Variants in JAKMIP1 observed in about 807,000 individuals in gnomAD.
JAKMIP1 encodes the protein janus kinase and microtubule-interacting protein 1.
JAKMIP1 carries 33 observed loss-of-function variants against 113.0 expected under a neutral mutation model. That is an observed-to-expected ratio of 0.29 (90% CI 0.22 to 0.39). The LOEUF is 0.39. Ranked by LOEUF, JAKMIP1 falls within the 10% of genes least tolerant of loss-of-function variation. The probability of loss-of-function intolerance (pLI) is 1.00; values close to 1 mark genes in which losing one functional copy is unlikely to be tolerated. For synonymous variants in JAKMIP1, 480 were observed against 459.9 expected, an observed-to-expected ratio of 1.04 and a Z score of -0.56; for missense variants, 813 against 1,080.5, an observed-to-expected ratio of 0.75 and a Z score of 3.47.
rs1294485966 is a variant in JAKMIP1, at chr4:6,139,304, T to C, written c.-147-26307A>G. On this transcript the variant is annotated intron_variant, in intron 1 of 20. Transcript: ENST00000409021. This position sits in a 1 kb window ranked among gnomAD's most constrained non-coding sequence, Gnocchi z 5.2. ...CAAGGACATTGAAAAGTATTCTTGA[T>C]TTATGTGAAAGGGTTTAAATTGTGT... 6.6e-6 allele frequency among the ~76,000 whole-genome samples: 1 copy of C among 152,110 alleles called. No individual in the cohort carries two copies. Among genetic ancestry groups the C allele is most frequent in the Non-Finnish European group, 1.5e-5 (1 of 68,040 alleles).
At position 6,150,362 on chromosome 4, in the gene JAKMIP1, G is replaced by C. The variant is rs763415145; in HGVS notation, c.-147-37365C>G. On this transcript the variant is annotated intron_variant, in intron 1 of 20. Coordinates refer to ENST00000409021, the MANE Select transcript of JAKMIP1 (RefSeq NM_001099433.2). This position sits in a 1 kb window ranked among gnomAD's most constrained non-coding sequence, Gnocchi z 4.8. ...AAGCAGACTGCGGAGACCAGGGGCT[G>C]AGGTTGGCCCCCGGTGTCAGCTTCT... 13 of 152,226 alleles carry C rather than the reference G, an allele frequency of 8.5e-5. No individual in the cohort carries two copies. The highest frequency in any genetic ancestry group is 1.5e-4 in the Non-Finnish European group (10 of 68,070). 9.4% of individuals were successfully genotyped at this position (152,226 alleles called of 1,614,324 possible).
chr4:6,071,207 G>A (rs768628503), intron 8 of JAKMIP1, among the ~76,000 whole-genome samples: 10 of 152,166 alleles, frequency 6.6e-5, no homozygotes, highest in Non-Finnish European at 1.3e-4. Flanking sequence ...GTTTCCTAAT[G>A]AGGCACCACC....
rs1190293797 is a variant in JAKMIP1, at chr4:6,141,825, G to T, written c.-147-28828C>A. Among the ~76,000 whole-genome samples the T allele has an allele frequency of 6.6e-6, 1 of 152,180 alleles. No individual in the cohort carries two copies. The highest frequency in any genetic ancestry group is 1.5e-5 in the Non-Finnish European group (1 of 68,044). On this transcript the variant is annotated intron_variant, in intron 1 of 20. Transcript: ENST00000409021. This position sits in a 1 kb window ranked among gnomAD's most constrained non-coding sequence, Gnocchi z 9.4. ...ACTGAGCAGCCCGGTGGGAGCGGAA[G>T]TTGATGTGGAAACCACTCATTTCTG...
rs1560309407 is a variant in JAKMIP1, at chr4:6,167,713, T to TC, written c.-148+32539_-148+32540insG. Among the ~76,000 whole-genome samples the TC allele has an allele frequency of 1.3e-5, 2 of 152,208 alleles. No individual in the cohort carries two copies. The highest frequency in any genetic ancestry group is 2.9e-5 in the Non-Finnish European group (2 of 68,036). On this transcript the variant is annotated intron_variant, in intron 1 of 20. Coordinates refer to ENST00000409021, the MANE Select transcript of JAKMIP1 (RefSeq NM_001099433.2). This position sits in a 1 kb window ranked among gnomAD's most constrained non-coding sequence, Gnocchi z 5.3. ...TCAGCTCCCTCCACCCCACCATGAA[T>TC]GTACTGCTATCCTCACTTTACAGAT... is the stretch of plus-strand genomic sequence containing the variant.
Position 6,051,747 on chromosome 4 carries a change from G to A in JAKMIP1, c.1807-1068C>T, listed in dbSNP as rs1189481927. ...ATACATAAATGACAAGGTTTTAAAA[G>A]GTCGGGAAAACCTAATTACTTACAG... is the stretch of plus-strand genomic sequence containing the variant. On this transcript the variant is annotated intron_variant, in intron 13 of 20. Transcript: ENST00000409021. The surrounding 1 kb of genome is among the most constrained non-coding windows in gnomAD (Gnocchi z 5.0). 2.6e-5 allele frequency among the ~76,000 whole-genome samples: 4 copies of A among 152,214 alleles called. No individual in the cohort carries two copies. Among genetic ancestry groups the A allele is most frequent in the Admixed American group, 2.0e-4 (3 of 15,284 alleles).
intron 8 of JAKMIP1, among the ~76,000 whole-genome samples, chr4:6,068,060 G>A (rs1718424173): frequency 6.6e-6 from 1 of 152,190 alleles, no homozygotes; most frequent in Non-Finnish European, 1.5e-5. Flanking sequence ...ACCCTCCTGG[G>A]GGCAACGACT....
rs1296674255 is a variant in JAKMIP1 at position 6,108,830 on chromosome 4, G to A, written c.130-2863C>T. ...GGCTGAAGGGAGCCATGCGGCAGTG[G>A]ATGCGTCTTGGGACATCTGTAAGAA... On this transcript the variant is annotated intron_variant, in intron 2 of 20. Coordinates refer to ENST00000409021, the MANE Select transcript of JAKMIP1 (RefSeq NM_001099433.2). This position sits in a 1 kb window ranked among gnomAD's most constrained non-coding sequence, Gnocchi z 5.6. 1.3e-5 allele frequency among the ~76,000 whole-genome samples: 2 copies of A among 152,242 alleles called. No homozygotes were observed. Among genetic ancestry groups the A allele is most frequent in the African/African-American group, 2.4e-5 (1 of 41,470 alleles).
chr4:6,078,632 C>A (rs1237780348), intron 8 of JAKMIP1, among the ~76,000 whole-genome samples: 1 of 152,116 alleles, frequency 6.6e-6, no homozygotes, highest in East Asian at 1.9e-4. Context: ...CCCTGAATGT[C>A]CCTTAAATCC....
Position 6,143,707 on chromosome 4 carries a change from GA to G in JAKMIP1, c.-147-30711del, listed in dbSNP as rs1385480835. ...GGCCTCAACAGTAACCTACTGAACA[GA>G]ACGTGGGGGTGGACTCAGCAGTGTG... On this transcript the variant is annotated intron_variant, in intron 1 of 20. Coordinates refer to ENST00000409021, the MANE Select transcript of JAKMIP1 (RefSeq NM_001099433.2). This position sits in a 1 kb window ranked among gnomAD's most constrained non-coding sequence, Gnocchi z 4.9. Among the ~76,000 whole-genome samples the G allele has an allele frequency of 6.6e-6, 1 of 152,214 alleles. No individual in the cohort carries two copies. Among genetic ancestry groups the G allele is most frequent in the Non-Finnish European group, 1.5e-5 (1 of 68,030 alleles).
rs1444252700 is a variant in JAKMIP1, at chr4:6,186,127, T to C, written c.-148+14126A>G. On this transcript the variant is annotated intron_variant, in intron 1 of 20. Transcript: ENST00000409021. The surrounding 1 kb of genome is among the most constrained non-coding windows in gnomAD (Gnocchi z 5.5). ...CAAGTTGTGGTGAGAATTACACAACTCCTAAGCAGGGAAAGCTCCCAGCTG... is the reference window on the plus strand; with the variant it reads ...CAAGTTGTGGTGAGAATTACACAACCCCTAAGCAGGGAAAGCTCCCAGCTG... Among the ~76,000 whole-genome samples, 2 of 152,174 alleles carry C rather than the reference T, an allele frequency of 1.3e-5. No individual in the cohort carries two copies.
chr4:6,050,513 G>T lies in JAKMIP1; in HGVS notation c.1908+65C>A. 2 of 1,122,942 alleles carry T rather than the reference G, an allele frequency of 1.8e-6. No homozygotes were observed. Among genetic ancestry groups the T allele is most frequent in the Non-Finnish European group, 1.3e-6 (1 of 768,044 alleles). The allele number at this position is 1,122,942 out of a possible 1,614,324, so 69.6% of individuals were successfully genotyped here. On this transcript the variant is annotated intron_variant, in intron 14 of 20. Transcript: ENST00000409021. The surrounding 1 kb of genome is among the most constrained non-coding windows in gnomAD (Gnocchi z 7.4). ...TCTATCCCAGCACTCCCCCTTTGCA[G>T]CTGAGCCGGGCACTGAGCGAGCCCT...
intron 1 of JAKMIP1, among the ~76,000 whole-genome samples, chr4:6,189,735 A>ATGCCTGGCCC (rs143826158): frequency 0.016 from 2,400 of 152,256 alleles, 54 homozygotes; most frequent in African/African-American, 0.05. Context: ...CCCTGGGGTT[A>ATGCCTGGCCC]TGCCTGGCCC....
chr4:6,113,934 ATGAG>A (rs35210094), intron 1 of JAKMIP1, among the ~76,000 whole-genome samples: 18,538 of 152,200 alleles, frequency 0.12, 1,391 homozygotes, highest in Non-Finnish European at 0.17. Flanking sequence ...GCGTGAATGA[ATGAG>A]TGAGTGAGTG....
chr4:6,030,452 C>T (rs1452469979), intron 19 of JAKMIP1, among the ~76,000 whole-genome samples: 1 of 152,212 alleles, frequency 6.6e-6, no homozygotes, highest in Non-Finnish European at 1.5e-5. Flanking sequence ...GGCACCGCAC[C>T]TGCAGAATTA....
At chr4:6,077,405 G>T (rs1002372091) in intron 8 of JAKMIP1, among the ~76,000 whole-genome samples, 1 of 152,044 alleles carries the variant, frequency 6.6e-6, no homozygotes, top group Admixed American at 6.6e-5. Flanking sequence ...GGTTTTAGAG[G>T]GAGGGAACGT....
chr4:6,133,327 C>T (rs968921671), intron 1 of JAKMIP1, among the ~76,000 whole-genome samples: 2 of 152,126 alleles, frequency 1.3e-5, no homozygotes, highest in Non-Finnish European at 2.9e-5. Flanking sequence ...CCTTAGAAGA[C>T]GTACAACCAT....
chr4:6,104,512 C>T (rs1713584304), intron 3 of JAKMIP1, among the ~76,000 whole-genome samples: 1 of 152,242 alleles, frequency 6.6e-6, no homozygotes, highest in African/African-American at 2.4e-5. Flanking sequence ...AGTGCTTGCA[C>T]AGTGTATCTT....
chr4:6,069,849 C>T lies in JAKMIP1; in HGVS notation c.1303-4841G>A, dbSNP rs1222295261. Among the ~76,000 whole-genome samples the T allele has an allele frequency of 1.3e-5, 2 of 152,144 alleles. No homozygotes were observed. The highest frequency in any genetic ancestry group is 4.8e-5 in the African/African-American group (2 of 41,406). ...TTGCATATACAGAGGTGCTCTTCCT[C>T]AGCGGGTCAGATGAAGCAGAGGGAA... On this transcript the variant is annotated intron_variant, in intron 8 of 20. Transcript: ENST00000409021. The surrounding 1 kb of genome is among the most constrained non-coding windows in gnomAD (Gnocchi z 4.5).
chr4:6,071,677 C>T (rs760688292), intron 8 of JAKMIP1, among the ~76,000 whole-genome samples: 1 of 152,342 alleles, frequency 6.6e-6, no homozygotes, highest in East Asian at 1.9e-4. Context: ...AGGTCAGGCT[C>T]CCGAGCTCTG....
Sources: allele counts gnomAD v4.1 joint callset (sites outside exome capture counted in the v4.1 genomes callset), GRCh38; gene constraint gnomAD v4.1.1; non-coding constraint Gnocchi (gnomAD v3.1); transcripts MANE v1.5; gene names NCBI Gene and HGNC (gene_info 2026-07-23, HGNC 2026-07-21).